FSHR: variants seen among roughly 807,000 people sequenced by gnomAD.
FSHR encodes follicle-stimulating hormone receptor.
A neutral mutation model predicts 52.1 loss-of-function variants in FSHR; 46 were observed. The observed-to-expected ratio is 0.88, with a 90% CI of 0.70 to 1.13. FSHR has a LOEUF of 1.13. Ranked by LOEUF, FSHR falls within the 50% of genes most tolerant of loss-of-function variation. The pLI is 0.00. For missense variants in FSHR, 964 were observed against 834.6 expected (o/e 1.16, Z -1.91); for synonymous variants, 399 against 309.6 (o/e 1.29, Z -3.03).
intron 2 of FSHR, among the ~76,000 whole-genome samples, chr2:49,053,740 G>C (rs1668954727): frequency 6.6e-6 from 1 of 152,196 alleles, no homozygotes; most frequent in Non-Finnish European, 1.5e-5. Context: ...TAGAAGTAGA[G>C]GAGGCTGGGT....
intron 1 of FSHR, among the ~76,000 whole-genome samples, chr2:49,089,035 C>T (rs868186988): frequency 1.1e-4 from 16 of 151,646 alleles, no homozygotes; most frequent in South Asian, 4.2e-4. Context: ...ATAATAGATT[C>T]AGAGAAAAGT....
At chr2:49,114,174 T>C (rs997430905) in intron 1 of FSHR, among the ~76,000 whole-genome samples, 1 of 152,140 alleles carries the variant, frequency 6.6e-6, no homozygotes, top group Non-Finnish European at 1.5e-5. Flanking sequence ...CAAATAACTT[T>C]GGCACCCCAG....
chr2:48,987,739 C>T (rs76495047), intron 6 of FSHR, among the ~76,000 whole-genome samples: 1 of 151,824 alleles, frequency 6.6e-6, no homozygotes, highest in Non-Finnish European at 1.5e-5. Context: ...AGAATGATTG[C>T]TCTTTTTTTC....
At chr2:49,046,368 G>A (rs1668654159) in intron 2 of FSHR, among the ~76,000 whole-genome samples, 1 of 152,260 alleles carries the variant, frequency 6.6e-6, no homozygotes, top group Non-Finnish European at 1.5e-5. Flanking sequence ...CAGAATAGTA[G>A]ATTAATGCAT....
intron 2 of FSHR, among the ~76,000 whole-genome samples, chr2:49,049,893 A>G (rs1311536324): frequency 1.3e-5 from 2 of 151,532 alleles, no homozygotes; most frequent in South Asian, 2.1e-4. Flanking sequence ...CAAAAATTCC[A>G]AACATATAAA....
At chr2:49,110,297 A>G (rs1038535077) in intron 1 of FSHR, among the ~76,000 whole-genome samples, 31 of 152,196 alleles carry the variant, frequency 2.0e-4, no homozygotes, top group African/African-American at 7.5e-4. Flanking sequence ...CCCATAGCAG[A>G]TAAATCCTGG....
At chr2:49,125,119 G>A in intron 1 of FSHR, among the ~76,000 whole-genome samples, 1 of 152,122 alleles carries the variant, frequency 6.6e-6, no homozygotes, top group Non-Finnish European at 1.5e-5. Flanking sequence ...TTCTTTTTCT[G>A]ATGGGCTTCC....
chr2:49,059,514 A>G (rs894994795), intron 2 of FSHR: 1 of 152,474 alleles, frequency 6.6e-6, no homozygotes, highest in African/African-American at 2.4e-5. Context: ...AGGTGCCAAG[A>G]ACATTCACTG....
intron 4 of FSHR, among the ~76,000 whole-genome samples, chr2:49,003,279 AC>A (rs973889032): frequency 9.9e-5 from 15 of 152,112 alleles, no homozygotes; most frequent in African/African-American, 3.6e-4. Flanking sequence ...ACTCCGGCCC[AC>A]ATTCTCATGA....
At chr2:49,140,931 T>C (rs548212382) in intron 1 of FSHR, among the ~76,000 whole-genome samples, 34 of 152,328 alleles carry the variant, frequency 2.2e-4, no homozygotes, top group Non-Finnish European at 4.0e-4. Context: ...CATTCACTTC[T>C]GCTAAGCCTC....
At chr2:49,092,822 T>C (rs1008386977) in intron 1 of FSHR, among the ~76,000 whole-genome samples, 1 of 152,026 alleles carries the variant, frequency 6.6e-6, no homozygotes, top group Non-Finnish European at 1.5e-5. Context: ...CGCACCACCA[T>C]GCGCAGCTAT....
At chr2:49,099,508 C>T (rs1224084909) in intron 1 of FSHR, among the ~76,000 whole-genome samples, 3 of 152,056 alleles carry the variant, frequency 2.0e-5, no homozygotes, top group Admixed American at 1.3e-4. Context: ...GTTCTAAGCT[C>T]CCATACCTGT....
intron 1 of FSHR, among the ~76,000 whole-genome samples, chr2:49,075,951 T>C (rs1241869689): frequency 6.6e-6 from 1 of 152,158 alleles, no homozygotes; most frequent in African/African-American, 2.4e-5. Flanking sequence ...AACAGTAGAT[T>C]TGAAAAATCA....
intron 1 of FSHR, among the ~76,000 whole-genome samples, chr2:49,103,942 T>C (rs1671130639): frequency 6.6e-6 from 1 of 151,682 alleles, no homozygotes; most frequent in Non-Finnish European, 1.5e-5. Flanking sequence ...AAAGCTCAAA[T>C]GTCATGGATT....
At chr2:49,116,695 T>A (rs1481107495) in intron 1 of FSHR, among the ~76,000 whole-genome samples, 1 of 152,206 alleles carries the variant, frequency 6.6e-6, no homozygotes, top group Non-Finnish European at 1.5e-5. Flanking sequence ...CTACCATTAT[T>A]CTTTAAATTT....
chr2:49,003,578 C>T (rs1398663950), intron 4 of FSHR, among the ~76,000 whole-genome samples: 1 of 152,020 alleles, frequency 6.6e-6, no homozygotes, highest in African/African-American at 2.4e-5. Flanking sequence ...CCTAAGAATA[C>T]ACGTTATGAA....
At chr2:49,144,465 G>A (rs543883715) in intron 1 of FSHR, among the ~76,000 whole-genome samples, 13 of 152,200 alleles carry the variant, frequency 8.5e-5, no homozygotes, top group Non-Finnish European at 1.9e-4. Context: ...CTTATTAAAG[G>A]AGTTCAGCAG....
rs767103311 is a variant in FSHR at position 48,963,664 on chromosome 2, A to G, written c.1157T>C (p.Ile386Thr). 4 of 1,614,170 alleles carry G rather than the reference A, an allele frequency of 2.5e-6. No individual in the cohort carries two copies. The East Asian group carries it at 8.9e-5, about 36-fold the overall frequency. Residue 386 changes from isoleucine (I) to threonine (T), a missense_variant, in exon 10 of 10, where the codon ATC becomes ACC. Ile to Thr is a moderately conservative substitution (Grantham distance 89, BLOSUM62 -1). Transcript: ENST00000406846. ...GAGTTTATATTGGCTGGTAGTTAGGATCACTAGCACTATGATGTTCCCAGT... is the reference window on the plus strand; with the variant it reads ...GAGTTTATATTGGCTGGTAGTTAGGGTCACTAGCACTATGATGTTCCCAGT... ...AITGNIIVLV[I>T]LTTSQYKLTV...
chr2:49,086,753 A>G (rs1670407743), intron 1 of FSHR, among the ~76,000 whole-genome samples: 1 of 152,052 alleles, frequency 6.6e-6, no homozygotes, highest in South Asian at 2.1e-4. Context: ...TGATTCTCCC[A>G]CCTCAGCCTC....
Sources: gnomAD v4.1 joint callset for allele counts (sites outside exome capture counted in the v4.1 genomes callset) on GRCh38, gnomAD v4.1.1 for gene constraint, MANE v1.5 for transcripts, NCBI Gene and HGNC (gene_info 2026-07-23, HGNC 2026-07-21) for gene names.